The following GGPS1 variants were observed in gnomAD, a reference collection of about 807,000 sequenced individuals.
GGPS1 encodes geranylgeranyl pyrophosphate synthase.
Under a neutral mutation model 28.1 loss-of-function variants are expected in GGPS1, and 15 were observed. That is an observed-to-expected ratio of 0.53 (90% confidence interval 0.36 to 0.82). GGPS1 has a LOEUF of 0.82. Among genes scored for constraint, GGPS1 ranks in the 40% least tolerant of loss-of-function variants. The pLI, the probability that GGPS1 is intolerant of heterozygous loss-of-function variation, is 0.01. For synonymous variants in GGPS1, 138 were observed against 122.4 expected (o/e 1.13, Z -0.84); for missense variants, 284 against 348.3 (o/e 0.82, Z 1.47).
chr1:235,343,779 AAG>A lies in GGPS1; in HGVS notation c.*1012_*1013del, dbSNP rs1437141670. The A allele has an allele frequency of 1.2e-5, 2 of 166,900 alleles. No homozygotes were observed. The highest frequency in any genetic ancestry group is 2.9e-5 in the Non-Finnish European group (2 of 68,104). The allele number at this position is 166,900 out of a possible 1,614,324, so 10.3% of individuals were successfully genotyped here. A position where few individuals can be genotyped will look rare whatever the true frequency, so the allele number is the denominator to read the frequency against. On this transcript the variant is annotated 3_prime_UTR_variant, in exon 4 of 4. Coordinates refer to ENST00000282841, the MANE Select transcript of GGPS1 (RefSeq NM_004837.4). ...TCCCTTTCCAATTGGGAAGCGGAAAAAGAGAGTATGGGATATTTTAGAAGGGA... is the reference window on the plus strand; with the variant it reads ...TCCCTTTCCAATTGGGAAGCGGAAAAAGAGTATGGGATATTTTAGAAGGGA...
At chr1:235,337,647 G>A (rs1334654767) in intron 2 of GGPS1, among the ~76,000 whole-genome samples, 1 of 151,938 alleles carries the variant, frequency 6.6e-6, no homozygotes, top group African/African-American at 2.4e-5. Flanking sequence ...TGGCCAACAT[G>A]GTGAAACCCT....
At position 235,335,261 on chromosome 1, in the gene GGPS1, TC is replaced by T; in HGVS notation, c.-2del. The stretch of plus-strand genomic sequence containing the variant: ...TGACAGATTAGCTTTGAAGTTTAAA[TC>T]CAATGGAGAAGACTCAAGAAACAGT... On this transcript the variant is annotated 5_prime_UTR_variant, in exon 2 of 4. Transcript: ENST00000282841. The T allele has an allele frequency of 6.8e-7, 1 of 1,464,094 alleles. No individual in the cohort carries two copies. Among genetic ancestry groups the T allele is most frequent in the South Asian group, 1.2e-5 (1 of 85,830 alleles). 90.7% of individuals were successfully genotyped at this position (1,464,094 alleles called of 1,614,324 possible).
chr1:235,341,452 C>T (rs1394942510), intron 2 of GGPS1, among the ~76,000 whole-genome samples: 1 of 152,146 alleles, frequency 6.6e-6, no homozygotes, highest in Non-Finnish European at 1.5e-5. Context: ...GACTAGTAGG[C>T]AACTGAAGTG....
upstream of GGPS1, chr1:235,328,250 C>A (rs1277943742): frequency 2.0e-5 from 3 of 150,376 alleles, no homozygotes; most frequent in African/African-American, 7.3e-5. Flanking sequence ...TCCCCCCCTC[C>A]CCTACCTCTT....
intron 2 of GGPS1, among the ~76,000 whole-genome samples, chr1:235,340,264 G>A (rs1675994015): frequency 6.6e-6 from 1 of 152,180 alleles, no homozygotes; most frequent in South Asian, 2.1e-4. Context: ...CTTGAGCCCA[G>A]GAGTTTGAGA....
chr1:235,333,067 CAAAAAAAAA>C (rs5781828), intron 1 of GGPS1, among the ~76,000 whole-genome samples: 3 of 43,318 alleles, frequency 6.9e-5, no homozygotes, highest in Non-Finnish European at 1.2e-4. Context: ...GACTCCGTCT[CAAAAAAAAA>C]AAAAAAAAAA....
At chr1:235,330,056 C>T (rs1033120397) in intron 1 of GGPS1, 1 of 152,164 alleles carries the variant, frequency 6.6e-6, no homozygotes, top group Non-Finnish European at 1.5e-5. Context: ...TGCCTCTTTA[C>T]ATTTAACTTT....
intron 2 of GGPS1, among the ~76,000 whole-genome samples, chr1:235,339,639 A>G (rs1675970559): frequency 6.6e-6 from 1 of 151,918 alleles, no homozygotes; most frequent in African/African-American, 2.4e-5. Context: ...AGGTGCCTGT[A>G]ATCCCAGCTA....
chr1:235,336,795 G>A (rs1323237125), intron 2 of GGPS1: 1 of 152,300 alleles, frequency 6.6e-6, no homozygotes, highest in East Asian at 1.9e-4. Flanking sequence ...TTCTTTATGA[G>A]CACTTCTCTG....
chr1:235,330,653 C>T (rs1675684235), intron 1 of GGPS1: 1 of 152,114 alleles, frequency 6.6e-6, no homozygotes, highest in Non-Finnish European at 1.5e-5. Context: ...TTTTTTAAAG[C>T]ATAATTAGTG....
intron 2 of GGPS1, among the ~76,000 whole-genome samples, chr1:235,338,524 T>C (rs1675933235): frequency 6.6e-6 from 1 of 152,042 alleles, no homozygotes; most frequent in Non-Finnish European, 1.5e-5. Flanking sequence ...AAAAGTAAAA[T>C]GAAAAATGAA....
chr1:235,342,116 T>C lies in GGPS1; in HGVS notation c.247T>C (p.Tyr83His). The change falls in exon 4 of 4, where the codon TAT becomes CAT. Residue 83 changes from tyrosine (Y) to histidine (H), a missense_variant. Coordinates refer to ENST00000282841, the MANE Select transcript of GGPS1 (RefSeq NM_004837.4). ...RRGFPVAHSI[Y>H]GIPSVINSAN... ...TGGCTTTCCAGTGGCCCACAGCATC[T>C]ATGGAATCCCATCTGTCATCAATTC... 6.2e-7 allele frequency: 1 copy of C among 1,614,060 alleles called. No homozygotes were observed. The highest frequency in any genetic ancestry group is 8.5e-7 in the Non-Finnish European group (1 of 1,179,892).
Position 235,341,787 on chromosome 1 carries a change from C to G in GGPS1, c.141+9C>G, listed in dbSNP as rs1189670113. The G allele has an allele frequency of 2.0e-6, 3 of 1,473,614 alleles. No homozygotes were observed. The South Asian group carries it at 3.5e-5, about 17-fold the overall frequency. The allele number at this position is 1,473,614 out of a possible 1,614,324, so 91.3% of individuals were successfully genotyped here. ...CAGAGGACAAGCTACAGGTATTAGG[C>G]AACTCTAACCTCATTAATCCCCAAG... On this transcript the variant is annotated intron_variant, in intron 3 of 3. Transcript: ENST00000282841.
At chr1:235,333,122 C>G (rs1201392998) in intron 1 of GGPS1, among the ~76,000 whole-genome samples, 1 of 128,458 alleles carries the variant, frequency 7.8e-6, no homozygotes, top group Non-Finnish European at 1.7e-5. Flanking sequence ...CAATAAATAA[C>G]AGTAGCCCAC....
intron 1 of GGPS1, chr1:235,330,442 G>T (rs376413632): frequency 6.6e-6 from 1 of 152,202 alleles, no homozygotes; most frequent in East Asian, 1.9e-4. Context: ...ACGAGATCAC[G>T]CCACTGCACT....
intron 3 of GGPS1, 52 bp downstream of exon 3, chr1:235,341,830 A>C: frequency 1.9e-6 from 2 of 1,070,570 alleles, no homozygotes; most frequent in Non-Finnish European, 2.8e-6. Flanking sequence ...TAGCTGTCGC[A>C]TAAAAATATT....
chr1:235,337,702 G>A (rs1675909984), intron 2 of GGPS1, among the ~76,000 whole-genome samples: 1 of 151,944 alleles, frequency 6.6e-6, no homozygotes, highest in African/African-American at 2.4e-5. Context: ...GGTAGCGCAT[G>A]CCTGTAGTCC....
Position 235,342,346 on chromosome 1 carries a change from A to C in GGPS1, c.477A>C (p.Ala159=), listed in dbSNP as rs1274922324. The part of the protein sequence containing the change: ...LQKTGGLFGL[A]VGLMQLFSDY... ...AAACAGGTGGACTGTTTGGATTAGC[A>C]GTAGGTCTCATGCAGTTGTTCTCTG... The change falls in exon 4 of 4, where the codon GCA becomes GCC. Residue 159 remains alanine (A), a synonymous_variant. Coordinates refer to ENST00000282841, the MANE Select transcript of GGPS1 (RefSeq NM_004837.4). 17 of 1,613,790 alleles carry C rather than the reference A, an allele frequency of 1.1e-5. No individual in the cohort carries two copies. The East Asian group carries it at 3.8e-4, about 36-fold the overall frequency.
rs546675662 is a variant in GGPS1, at chr1:235,342,958, G to A, written c.*186G>A. On this transcript the variant is annotated 3_prime_UTR_variant, in exon 4 of 4. Coordinates refer to ENST00000282841, the MANE Select transcript of GGPS1 (RefSeq NM_004837.4). ...GTACAGATAATCAAAATTCAAAGTT[G>A]AAAGAATCAAAAGCAGCCACAGTTA... is the stretch of plus-strand genomic sequence containing the variant. The A allele has an allele frequency of 1.6e-5, 7 of 439,692 alleles. No individual in the cohort carries two copies. In the East Asian group the frequency reaches 1.8e-4, roughly 11 times the overall value. 27.2% of individuals were successfully genotyped at this position (439,692 alleles called of 1,614,324 possible).
Sources: allele counts gnomAD v4.1 joint callset (sites outside exome capture counted in the v4.1 genomes callset), GRCh38; gene constraint gnomAD v4.1.1; transcripts MANE v1.5; gene names NCBI Gene and HGNC (gene_info 2026-07-23, HGNC 2026-07-21).